The following KLHL7 variants were observed in gnomAD, a reference collection of about 807,000 sequenced individuals.
KLHL7 encodes kelch like family member 7.
KLHL7 carries 44 observed loss-of-function variants against 67.4 expected under a neutral mutation model. That is an observed-to-expected ratio of 0.65 (90% CI 0.51 to 0.84). The LOEUF (loss-of-function observed/expected upper bound fraction) is 0.84, where lower values mean the gene tolerates loss of function less well. KLHL7 is among the 40% of genes least tolerant of loss of function. KLHL7 has a pLI of 0.00. For missense variants in KLHL7, 362 were observed against 718.1 expected (o/e 0.50, Z 5.67); for synonymous variants, 252 against 243.3 (o/e 1.04, Z -0.33).
chr7:23,160,669 G>T (rs549395698), intron 7 of KLHL7, among the ~76,000 whole-genome samples: 2 of 152,144 alleles, frequency 1.3e-5, no homozygotes, highest in Non-Finnish European at 2.9e-5. Context: ...AAGCTACTGA[G>T]CTACAATGTT....
intron 7 of KLHL7, among the ~76,000 whole-genome samples, chr7:23,152,807 T>A (rs1052267617): frequency 6.6e-6 from 1 of 152,154 alleles, no homozygotes; most frequent in Non-Finnish European, 1.5e-5. Flanking sequence ...GACGGTCCAC[T>A]CACATTTCTA....
intron 9 of KLHL7, among the ~76,000 whole-genome samples, chr7:23,171,340 A>G (rs1177360063): frequency 9.2e-5 from 14 of 152,230 alleles, no homozygotes. Flanking sequence ...GTCTTTTTAT[A>G]TCATTAACAT....
intron 1 of KLHL7, 134 bp downstream of exon 1, chr7:23,106,280 G>T: frequency 1.3e-6 from 2 of 1,521,902 alleles, no homozygotes; most frequent in South Asian, 2.4e-5. Flanking sequence ...TTCCGTTTTC[G>T]CAGGCGAGCG....
intron 4 of KLHL7, among the ~76,000 whole-genome samples, chr7:23,136,016 G>A (rs1783963467): frequency 6.6e-6 from 1 of 152,182 alleles, no homozygotes; most frequent in South Asian, 2.1e-4. Flanking sequence ...AAATGCTTGT[G>A]CTTTGGGATT....
chr7:23,140,713 A>G, intron 4 of KLHL7, 56 bp from the exon 5 acceptor site: 2 of 1,438,850 alleles, frequency 1.4e-6, no homozygotes, highest in South Asian at 1.1e-5. Flanking sequence ...TCTTGAATGT[A>G]TACTTGGTTT....
chr7:23,123,285 G>C (rs943965479), intron 1 of KLHL7, among the ~76,000 whole-genome samples: 10 of 152,164 alleles, frequency 6.6e-5, no homozygotes, highest in African/African-American at 1.9e-4. Flanking sequence ...TCTGTTTCAA[G>C]TTAGATCTGT....
At chr7:23,127,789 G>T (rs1476528797) in intron 4 of KLHL7, among the ~76,000 whole-genome samples, 4 of 152,056 alleles carry the variant, frequency 2.6e-5, no homozygotes, top group African/African-American at 9.6e-5. Context: ...CGGGAAAATC[G>T]TTTGAACCGG....
chr7:23,160,726 T>A (rs1784832604), intron 7 of KLHL7, among the ~76,000 whole-genome samples: 1 of 152,236 alleles, frequency 6.6e-6, no homozygotes, highest in Admixed American at 6.5e-5. Flanking sequence ...TCCTAATGGC[T>A]AATTACTAAA....
rs186774811 is a variant in KLHL7, at chr7:23,172,687, C to T, written c.1380-261C>T. On this transcript the variant is annotated intron_variant, in intron 9 of 10. Transcript: ENST00000339077. ...TCAGGAAATGGATTTCCTCTAAAAA[C>T]GTGTTTTTTAATAGATATCCTCATT... 184 of 308,276 alleles carry T rather than the reference C, an allele frequency of 6.0e-4. 2 individuals carry two copies. Among genetic ancestry groups the T allele is most frequent in the African/African-American group, 3.7e-3 (173 of 46,456 alleles). 19.1% of individuals were successfully genotyped at this position (308,276 alleles called of 1,614,324 possible).
intron 1 of KLHL7, among the ~76,000 whole-genome samples, chr7:23,108,161 G>A (rs1224802201): frequency 2.0e-5 from 3 of 152,208 alleles, no homozygotes; most frequent in Non-Finnish European, 4.4e-5. Flanking sequence ...GGACCCCTCT[G>A]TAAACATCCA....
chr7:23,170,953 G>T (rs73275809), intron 9 of KLHL7, among the ~76,000 whole-genome samples: 3,290 of 135,210 alleles, frequency 0.024, 119 homozygotes, highest in African/African-American at 0.09. Flanking sequence ...CTGTCACCAT[G>T]CTGGAATGCA....
intron 4 of KLHL7, among the ~76,000 whole-genome samples, chr7:23,138,226 G>A (rs183484994): frequency 5.3e-4 from 81 of 151,594 alleles, no homozygotes; most frequent in African/African-American, 1.9e-3. Flanking sequence ...CACTTTGGAA[G>A]GCCAAGGCGG....
intron 4 of KLHL7, chr7:23,125,786 C>A: frequency 6.6e-7 from 1 of 1,523,510 alleles, no homozygotes; most frequent in Non-Finnish European, 8.8e-7. Flanking sequence ...TTGATCAGAG[C>A]CTTCCAGAGT....
intron 1 of KLHL7, chr7:23,117,794 C>A: frequency 6.5e-7 from 1 of 1,540,524 alleles, no homozygotes; most frequent in Non-Finnish European, 8.8e-7. Context: ...AAATTATTTA[C>A]CCCATCTAAT....
chr7:23,157,970 T>TGTGTC (rs1212994647), intron 7 of KLHL7, among the ~76,000 whole-genome samples: 1 of 152,208 alleles, frequency 6.6e-6, no homozygotes. Flanking sequence ...GAAGTTGTGT[T>TGTGTC]GTGTCGTGTT....
chr7:23,154,547 G>T (rs1374573774), intron 7 of KLHL7, among the ~76,000 whole-genome samples: 1 of 152,054 alleles, frequency 6.6e-6, no homozygotes, highest in Non-Finnish European at 1.5e-5. Context: ...AGACATATAG[G>T]ATCCTTTCCA....
At chr7:23,131,987 T>C (rs1024618098) in intron 4 of KLHL7, among the ~76,000 whole-genome samples, 8 of 152,338 alleles carry the variant, frequency 5.3e-5, no homozygotes, top group African/African-American at 1.9e-4. Flanking sequence ...CTAGATCTCA[T>C]TCTTTTTTAT....
At chr7:23,132,866 C>T (rs1249677040) in intron 4 of KLHL7, among the ~76,000 whole-genome samples, 1 of 152,104 alleles carries the variant, frequency 6.6e-6, no homozygotes, top group Non-Finnish European at 1.5e-5. Flanking sequence ...ATATGGATAT[C>T]CAGTTTTCCC....
At chr7:23,129,955 T>C (rs1452102308) in intron 4 of KLHL7, 1 of 147,510 alleles carries the variant, frequency 6.8e-6, no homozygotes, top group Non-Finnish European at 1.6e-5. Flanking sequence ...TGTATAAGAA[T>C]GTATGCATGT....
Sources: gnomAD v4.1 joint callset for allele counts (sites outside exome capture counted in the v4.1 genomes callset) on GRCh38, gnomAD v4.1.1 for gene constraint, MANE v1.5 for transcripts, NCBI Gene and HGNC (gene_info 2026-07-23, HGNC 2026-07-21) for gene names.